The following GALNTL6 variants were observed in gnomAD, a reference collection of about 807,000 sequenced individuals.
GALNTL6 encodes polypeptide N-acetylgalactosaminyltransferase-like 6.
GALNTL6 carries 46 observed loss-of-function variants against 73.7 expected under a neutral mutation model. That is an observed-to-expected ratio of 0.62 (90% CI 0.49 to 0.80). The LOEUF (loss-of-function observed/expected upper bound fraction) is 0.80. GALNTL6 is among the 30% of genes least tolerant of loss of function. The pLI, the probability that GALNTL6 is intolerant of heterozygous loss-of-function variation, is 0.00. For synonymous variants in GALNTL6, 259 were observed against 263.7 expected, an observed-to-expected ratio of 0.98 and a Z score of 0.17; for missense variants, 604 against 755.0, an observed-to-expected ratio of 0.80 and a Z score of 2.34.
chr4:172,369,369 A>G (rs1490705352), intron 5 of GALNTL6, among the ~76,000 whole-genome samples: 2 of 152,228 alleles, frequency 1.3e-5, no homozygotes, highest in Non-Finnish European at 2.9e-5. Context: ...TTAGCTAGAC[A>G]TAAAAGTTCT....
chr4:172,124,091 T>G (rs1733227701), intron 2 of GALNTL6, among the ~76,000 whole-genome samples: 1 of 152,170 alleles, frequency 6.6e-6, no homozygotes, highest in Non-Finnish European at 1.5e-5. Flanking sequence ...TTTGTTATAA[T>G]CAGCAATTGA....
At chr4:171,860,220 T>G (rs939047603) in intron 2 of GALNTL6, among the ~76,000 whole-genome samples, 3 of 152,204 alleles carry the variant, frequency 2.0e-5, no homozygotes, top group Non-Finnish European at 2.9e-5. Flanking sequence ...ATTAAATCCA[T>G]TTGCTGATGA....
At chr4:172,524,242 T>C (rs564121230) in intron 5 of GALNTL6, among the ~76,000 whole-genome samples, 2 of 151,402 alleles carry the variant, frequency 1.3e-5, no homozygotes, top group East Asian at 3.9e-4. Flanking sequence ...TTTTTGCTCA[T>C]TTATTTATTT....
chr4:173,030,574 A>G (rs1753414215), intron 12 of GALNTL6, among the ~76,000 whole-genome samples: 1 of 152,116 alleles, frequency 6.6e-6, no homozygotes, highest in African/African-American at 2.4e-5. Context: ...GAAAAAATCA[A>G]ATTAGTGTTT....
intron 5 of GALNTL6, among the ~76,000 whole-genome samples, chr4:172,801,899 A>G (rs913351503): frequency 9.9e-5 from 15 of 152,116 alleles, no homozygotes; most frequent in Admixed American, 6.6e-4. Flanking sequence ...CCTACCCAAC[A>G]TGATGATAAG....
intron 10 of GALNTL6, among the ~76,000 whole-genome samples, chr4:172,955,713 G>A (rs1749706989): frequency 6.6e-6 from 1 of 152,114 alleles, no homozygotes; most frequent in Non-Finnish European, 1.5e-5. Flanking sequence ...GAGCAACAAG[G>A]CTGTTTCTTT....
intron 5 of GALNTL6, among the ~76,000 whole-genome samples, chr4:172,562,869 A>T (rs1333066405): frequency 6.6e-6 from 1 of 152,194 alleles, no homozygotes; most frequent in Non-Finnish European, 1.5e-5. Context: ...AAAATAGAGA[A>T]CTGGGGAAAG....
intron 10 of GALNTL6, among the ~76,000 whole-genome samples, chr4:172,991,181 G>A (rs140587750): frequency 6.6e-6 from 1 of 152,212 alleles, no homozygotes; most frequent in African/African-American, 2.4e-5. Context: ...CATTAATAGA[G>A]GGGAGATTCA....
At chr4:172,233,668 T>C (rs1339609865) in intron 3 of GALNTL6, among the ~76,000 whole-genome samples, 1 of 152,096 alleles carries the variant, frequency 6.6e-6, no homozygotes, top group Non-Finnish European at 1.5e-5. Flanking sequence ...ACTATATCTT[T>C]ATTACAACTA....
At chr4:171,944,211 G>A (rs920287546) in intron 2 of GALNTL6, among the ~76,000 whole-genome samples, 2 of 151,982 alleles carry the variant, frequency 1.3e-5, no homozygotes, top group Non-Finnish European at 2.9e-5. Flanking sequence ...ACCCCCAGAT[G>A]TCCATGACTT....
intron 5 of GALNTL6, among the ~76,000 whole-genome samples, chr4:172,722,209 G>C (rs141785714): frequency 2.0e-5 from 3 of 152,114 alleles, no homozygotes; most frequent in East Asian, 3.9e-4. Flanking sequence ...TTAAAAAGCA[G>C]TATCCTCACA....
chr4:172,418,863 T>G (rs1730944259), intron 5 of GALNTL6, among the ~76,000 whole-genome samples: 1 of 152,178 alleles, frequency 6.6e-6, no homozygotes, highest in South Asian at 2.1e-4. Context: ...CATTTTTATT[T>G]AAAGGTGATT....
chr4:172,930,142 G>A (rs574462815), intron 8 of GALNTL6, among the ~76,000 whole-genome samples: 4 of 152,122 alleles, frequency 2.6e-5, no homozygotes, highest in Admixed American at 6.6e-5. Context: ...GCTCAGCGTG[G>A]TAGCGGGCAC....
chr4:171,882,958 T>C (rs1368698918), intron 2 of GALNTL6, among the ~76,000 whole-genome samples: 1 of 152,158 alleles, frequency 6.6e-6, no homozygotes, highest in East Asian at 1.9e-4. Context: ...ATAGAAAGTA[T>C]CAGCTTTGGG....
intron 2 of GALNTL6, among the ~76,000 whole-genome samples, chr4:172,187,156 T>G (rs1371297598): frequency 1.3e-5 from 2 of 152,116 alleles, no homozygotes; most frequent in Non-Finnish European, 2.9e-5. Flanking sequence ...ACCTTTTATA[T>G]TAAGCAAAAC....
chr4:171,892,842 ATG>A (rs1407819981), intron 2 of GALNTL6, among the ~76,000 whole-genome samples: 2 of 152,326 alleles, frequency 1.3e-5, no homozygotes, highest in East Asian at 3.9e-4. Context: ...GATTTCAGGC[ATG>A]AGCCCCCATG....
chr4:172,420,845 T>A (rs1007284228), intron 5 of GALNTL6, among the ~76,000 whole-genome samples: 10 of 152,068 alleles, frequency 6.6e-5, no homozygotes, highest in African/African-American at 2.2e-4. Flanking sequence ...AAAAAAAGAA[T>A]GAGTTCATGT....
At chr4:172,494,797 G>A (rs1734016262) in intron 5 of GALNTL6, among the ~76,000 whole-genome samples, 1 of 152,170 alleles carries the variant, frequency 6.6e-6, no homozygotes, top group South Asian at 2.1e-4. Flanking sequence ...GTCCATCCAT[G>A]CTCTTCTGCC....
At chr4:172,958,472 G>T (rs1432335729) in intron 10 of GALNTL6, among the ~76,000 whole-genome samples, 1 of 152,126 alleles carries the variant, frequency 6.6e-6, no homozygotes, top group Non-Finnish European at 1.5e-5. Context: ...TAGGATCTGT[G>T]GGGTCAGCTA....
Sources: allele counts gnomAD v4.1 joint callset (sites outside exome capture counted in the v4.1 genomes callset), GRCh38; gene constraint gnomAD v4.1.1; transcripts MANE v1.5; gene names NCBI Gene and HGNC (gene_info 2026-07-23, HGNC 2026-07-21).